TENM2: variants seen among roughly 807,000 people sequenced by gnomAD.
TENM2 encodes teneurin-2.
TENM2 carries 52 observed loss-of-function variants against 245.2 expected under a neutral mutation model. The ratio of observed to expected loss-of-function variants is 0.21; its 90% confidence interval spans 0.17 to 0.27. The LOEUF (loss-of-function observed/expected upper bound fraction) is 0.27, where lower values mean the gene tolerates loss of function less well. Among genes scored for constraint, TENM2 ranks in the 10% least tolerant of loss-of-function variants. The pLI is 1.00. For synonymous variants in TENM2, 1,363 were observed against 1,438.9 expected (o/e 0.95, Z 1.19); for missense variants, 3,046 against 3,666.8 (o/e 0.83, Z 4.37).
chr5:167,258,243 G>GTATATA, the TENM2 span, among the ~76,000 whole-genome samples: 1 of 136,002 alleles, frequency 7.4e-6, no homozygotes, highest in African/African-American at 3.1e-5. Context: ...ATATATATAT[G>GTATATA]TATATATATA....
chr5:167,763,056 G>A (rs1057280175), intron 2 of TENM2, among the ~76,000 whole-genome samples: 10 of 152,214 alleles, frequency 6.6e-5, no homozygotes, highest in South Asian at 2.1e-4. Flanking sequence ...GAGCAATTCC[G>A]GAAACCGGGA....
intron 1 of TENM2, among the ~76,000 whole-genome samples, chr5:167,364,212 T>C (rs1759902241): frequency 6.6e-6 from 1 of 151,988 alleles, no homozygotes; most frequent in African/African-American, 2.4e-5. Context: ...TTTACAGAAA[T>C]AGAGGCACAA....
At chr5:168,249,351 T>C (rs1417322642) in intron 27 of TENM2, among the ~76,000 whole-genome samples, 1 of 152,116 alleles carries the variant, frequency 6.6e-6, no homozygotes, top group African/African-American at 2.4e-5. Flanking sequence ...TTTGCTACCA[T>C]ATAGGTGTCT....
At chr5:168,168,719 A>T (rs1581519567) in intron 13 of TENM2, among the ~76,000 whole-genome samples, 1 of 149,836 alleles carries the variant, frequency 6.7e-6, no homozygotes, top group East Asian at 2.0e-4. Context: ...AGATATCTTT[A>T]TGTTTAGGTC....
chr5:167,726,256 T>C (rs1204620818), intron 2 of TENM2, among the ~76,000 whole-genome samples: 3 of 94,358 alleles, frequency 3.2e-5, no homozygotes, highest in African/African-American at 1.9e-4. Flanking sequence ...TGATCTATGG[T>C]CAAAAACATC....
chr5:168,218,162 C>T lies in TENM2; in HGVS notation c.4271C>T (p.Pro1424Leu), dbSNP rs1763364542. The T allele has an allele frequency of 1.2e-6, 2 of 1,613,646 alleles. No homozygotes were observed. The highest frequency in any genetic ancestry group is 2.7e-5 in the African/African-American group (2 of 74,866). ...TGGCCAACAGACCTTGCTGTCAATCCCATGGATAACTCCTTGTATGTTCTA... is the reference window on the plus strand; with the variant it reads ...TGGCCAACAGACCTTGCTGTCAATCTCATGGATAACTCCTTGTATGTTCTA... The change falls in exon 23 of 29, where the codon CCC (proline) becomes CTC (leucine). Residue 1424 changes from proline (P) to leucine (L), a missense_variant. Around this residue, in one of 2 missense-constraint regions of TENM2, gnomAD observed 2,704 missense variants for 3,331.9 expected, o/e 0.81. Coordinates refer to ENST00000518659, the Ensembl canonical transcript of TENM2. The surrounding 1 kb of genome is among the most constrained non-coding windows in gnomAD (Gnocchi z 5.2).
chr5:168,209,388 A>G (rs1295907066), intron 19 of TENM2, among the ~76,000 whole-genome samples: 2 of 152,228 alleles, frequency 1.3e-5, no homozygotes, highest in African/African-American at 4.8e-5. Flanking sequence ...CAGTGATGCT[A>G]GACAAATCAA....
intron 2 of TENM2, among the ~76,000 whole-genome samples, chr5:167,471,011 C>T (rs1435869970): frequency 6.6e-6 from 1 of 152,138 alleles, no homozygotes; most frequent in Non-Finnish European, 1.5e-5. Flanking sequence ...TTTAGAATCC[C>T]TGGACCTTAG....
chr5:167,133,442 A>G, the TENM2 span, among the ~76,000 whole-genome samples: 6 of 152,192 alleles, frequency 3.9e-5, no homozygotes, highest in Admixed American at 6.5e-5. Context: ...ATAGAATAGA[A>G]TAGAGTAGAA....
intron 5 of TENM2, among the ~76,000 whole-genome samples, chr5:168,001,196 C>G (rs926746627): frequency 6.6e-6 from 1 of 152,190 alleles, no homozygotes; most frequent in Non-Finnish European, 1.5e-5. Flanking sequence ...TGGTAATTGC[C>G]TCCGTTCCCA....
At chr5:167,342,307 C>G (rs1758150052) in intron 1 of TENM2, among the ~76,000 whole-genome samples, 1 of 151,898 alleles carries the variant, frequency 6.6e-6, no homozygotes, top group African/African-American at 2.4e-5. Context: ...TAGAATGTCC[C>G]ACAGTTGAGA....
chr5:167,951,154 G>A (rs1475881069), intron 3 of TENM2, among the ~76,000 whole-genome samples: 4 of 152,192 alleles, frequency 2.6e-5, no homozygotes, highest in African/African-American at 4.8e-5. Flanking sequence ...AGGAACCCCA[G>A]AATGTAGATT....
chr5:167,508,366 A>T (rs1364612473), intron 2 of TENM2, among the ~76,000 whole-genome samples: 6 of 152,200 alleles, frequency 3.9e-5, no homozygotes, highest in Non-Finnish European at 8.8e-5. Context: ...TTAATTATCT[A>T]TGTAAATTTA....
intron 27 of TENM2, among the ~76,000 whole-genome samples, chr5:168,255,747 G>T (rs1272736872): frequency 6.6e-6 from 1 of 151,976 alleles, no homozygotes; most frequent in Non-Finnish European, 1.5e-5. Flanking sequence ...TTCTGTTTAC[G>T]CCAAGTAAGC....
chr5:167,956,650 A>G (rs1034238055), intron 4 of TENM2, among the ~76,000 whole-genome samples: 21 of 152,172 alleles, frequency 1.4e-4, no homozygotes, highest in Admixed American at 1.2e-3. Flanking sequence ...TGTTTCATCA[A>G]TACCTAGTTT....
chr5:167,838,118 A>G (rs1464764533), intron 2 of TENM2, among the ~76,000 whole-genome samples: 3 of 152,280 alleles, frequency 2.0e-5, no homozygotes, highest in East Asian at 1.9e-4. Flanking sequence ...AACTTCTGAC[A>G]TAAAGCAATG....
At chr5:167,660,201 G>C (rs188451978) in intron 2 of TENM2, 1 of 152,288 alleles carries the variant, frequency 6.6e-6, no homozygotes, top group East Asian at 1.9e-4. Context: ...GGTGGCTCAA[G>C]CCTGTAATCT....
At chr5:167,311,852 C>T (rs971434212) in intron 1 of TENM2, among the ~76,000 whole-genome samples, 12 of 152,078 alleles carry the variant, frequency 7.9e-5, no homozygotes, top group African/African-American at 2.4e-4. Context: ...TGCAACAATC[C>T]GTTTATATCA....
At chr5:168,077,546 T>C (rs1346352578) in intron 7 of TENM2, among the ~76,000 whole-genome samples, 1 of 152,114 alleles carries the variant, frequency 6.6e-6, no homozygotes, top group Non-Finnish European at 1.5e-5. Context: ...TCATTTACAT[T>C]AGGTATCTCT....
Sources: gnomAD v4.1 joint callset for allele counts (sites outside exome capture counted in the v4.1 genomes callset) on GRCh38, gnomAD v4.1.1 for gene constraint, gnomAD v4.1.1 regional missense constraint, Gnocchi (gnomAD v3.1) non-coding constraint, MANE v1.5 for transcripts, NCBI Gene and HGNC (gene_info 2026-07-23, HGNC 2026-07-21) for gene names.